The following FGGY variants were observed in gnomAD, a reference collection of about 807,000 sequenced individuals.
FGGY encodes FGGY carbohydrate kinase domain containing, also known as FGGY carbohydrate kinase domain-containing protein.
A neutral mutation model predicts 71.3 loss-of-function variants in FGGY; 72 were observed. The observed-to-expected ratio is 1.01, with a 90% CI of 0.84 to 1.23. The LOEUF is 1.23. FGGY is among the 50% of genes most tolerant of loss of function. The pLI is 0.00. For synonymous variants in FGGY, 251 were observed against 250.3 expected, an observed-to-expected ratio of 1.00 and a Z score of -0.02; for missense variants, 668 against 682.3, an observed-to-expected ratio of 0.98 and a Z score of 0.23.
At chr1:59,674,977 A>G (rs2097422039) in intron 14 of FGGY, among the ~76,000 whole-genome samples, 4 of 152,174 alleles carry the variant, frequency 2.6e-5, no homozygotes, top group Non-Finnish European at 4.4e-5. Flanking sequence ...TTTATCTGTA[A>G]TAGTAATTGA....
chr1:59,562,464 G>A (rs1337742681), intron 8 of FGGY, among the ~76,000 whole-genome samples: 1 of 152,186 alleles, frequency 6.6e-6, no homozygotes, highest in African/African-American at 2.4e-5. Flanking sequence ...TTTGTTCCTG[G>A]CCTTCTGAGA....
chr1:59,496,862 T>A (rs682221), intron 6 of FGGY, among the ~76,000 whole-genome samples: 11,361 of 152,280 alleles, frequency 0.075, 1,403 homozygotes, highest in African/African-American at 0.26. Flanking sequence ...ACCTGTGTAC[T>A]TTGTTCAACT....
chr1:59,510,073 T>C (rs2094483988), intron 6 of FGGY, among the ~76,000 whole-genome samples: 1 of 151,586 alleles, frequency 6.6e-6, no homozygotes, highest in Non-Finnish European at 1.5e-5. Flanking sequence ...ATAATGCTTG[T>C]TCTAAAAATA....
chr1:59,540,776 G>A (rs887342647), intron 7 of FGGY, among the ~76,000 whole-genome samples: 7 of 152,226 alleles, frequency 4.6e-5, no homozygotes, highest in African/African-American at 1.7e-4. Flanking sequence ...GAAGAACGGA[G>A]AGGAGGAGGT....
intron 14 of FGGY, among the ~76,000 whole-genome samples, chr1:59,732,231 T>G (rs150832456): frequency 2.0e-4 from 31 of 152,312 alleles, no homozygotes; most frequent in Admixed American, 2.0e-3. Flanking sequence ...CTGTAGCTCT[T>G]TAAATTCTCT....
intron 5 of FGGY, among the ~76,000 whole-genome samples, chr1:59,434,191 A>C (rs981309111): frequency 1.3e-5 from 2 of 152,234 alleles, no homozygotes; most frequent in Non-Finnish European, 2.9e-5. Context: ...TGGGCACCAA[A>C]TTGTAAGTTC....
chr1:59,339,961 G>T lies in FGGY; in HGVS notation c.205G>T (p.Val69Phe). 6.2e-7 allele frequency: 1 copy of T among 1,603,424 alleles called. No individual in the cohort carries two copies. ...TTTTTATTTGTTTTTAAAACAGAAA[G>T]TTGTACAAGGGATTGATTTAAACCA... is the stretch of plus-strand genomic sequence containing the variant. ...WAACCVVTKK[V>F]VQGIDLNQIR... The change falls in exon 3 of 16, where the codon GTT becomes TTT. Residue 69 changes from valine to phenylalanine, a missense_variant. By Grantham distance (50) the Val-to-Phe change is conservative. Around this residue, in one of 2 missense-constraint regions of FGGY, gnomAD observed 661 missense variants for 661.6 expected, o/e 1.00. Transcript: ENST00000303721.
chr1:59,538,458 T>C (rs1235695277), intron 7 of FGGY, among the ~76,000 whole-genome samples: 2 of 151,480 alleles, frequency 1.3e-5, no homozygotes, highest in African/African-American at 2.4e-5. Context: ...GATCTAGAAC[T>C]AGAAATACCA....
At chr1:59,375,074 A>T (rs891523357) in intron 4 of FGGY, among the ~76,000 whole-genome samples, 6 of 142,374 alleles carry the variant, frequency 4.2e-5, no homozygotes, top group African/African-American at 9.0e-5. Flanking sequence ...ATAATAATAA[A>T]AAAAAATCCA....
intron 7 of FGGY, among the ~76,000 whole-genome samples, chr1:59,553,223 G>A (rs543589172): frequency 9.0e-4 from 137 of 152,272 alleles, no homozygotes; most frequent in African/African-American, 3.1e-3. Context: ...AAGTCTCTGC[G>A]TCCTGCCTGA....
At chr1:59,653,387 G>A (rs2097185828) in intron 11 of FGGY, among the ~76,000 whole-genome samples, 1 of 152,120 alleles carries the variant, frequency 6.6e-6, no homozygotes, top group Admixed American at 6.5e-5. Context: ...TCAGACTGCT[G>A]TGCTAGCAAT....
chr1:59,724,552 C>T (rs1477759126), intron 14 of FGGY, among the ~76,000 whole-genome samples: 8 of 152,040 alleles, frequency 5.3e-5, no homozygotes, highest in East Asian at 1.9e-4. Flanking sequence ...AACTCCTTGA[C>T]GATCACTGAT....
intron 9 of FGGY, among the ~76,000 whole-genome samples, chr1:59,624,761 G>A (rs1019380084): frequency 6.6e-5 from 10 of 152,118 alleles, no homozygotes; most frequent in Non-Finnish European, 2.9e-5. Flanking sequence ...GAAACAGTAT[G>A]GGGGAAACTG....
chr1:59,560,741 G>A (rs1318737457), intron 8 of FGGY, among the ~76,000 whole-genome samples: 1 of 152,058 alleles, frequency 6.6e-6, no homozygotes, highest in Non-Finnish European at 1.5e-5. Flanking sequence ...AGAAAAAGGA[G>A]ATACTACAAT....
At chr1:59,692,115 T>C (rs1443770547) in intron 14 of FGGY, among the ~76,000 whole-genome samples, 1 of 152,178 alleles carries the variant, frequency 6.6e-6, no homozygotes, top group Admixed American at 6.5e-5. Flanking sequence ...AATAAATGTA[T>C]CTTGGGTTAA....
intron 7 of FGGY, among the ~76,000 whole-genome samples, chr1:59,520,192 C>T (rs1460309330): frequency 6.6e-6 from 1 of 152,174 alleles, no homozygotes; most frequent in Non-Finnish European, 1.5e-5. Flanking sequence ...TCTATAGAAG[C>T]CAAAAAGCAG....
chr1:59,360,214 A>C (rs909254596), intron 4 of FGGY, among the ~76,000 whole-genome samples: 3 of 151,778 alleles, frequency 2.0e-5, no homozygotes, highest in Non-Finnish European at 4.4e-5. Flanking sequence ...CTGTTCTGGC[A>C]TTTGGGAACA....
intron 4 of FGGY, among the ~76,000 whole-genome samples, chr1:59,346,968 T>TTTTA (rs1213298060): frequency 2.1e-5 from 3 of 144,272 alleles, no homozygotes; most frequent in African/African-American, 7.4e-5. Context: ...TTTTTTTTTT[T>TTTTA]AAGTATCAAT....
At chr1:59,407,791 C>G (rs1388131091) in intron 5 of FGGY, among the ~76,000 whole-genome samples, 1 of 152,136 alleles carries the variant, frequency 6.6e-6, no homozygotes, top group Non-Finnish European at 1.5e-5. Context: ...TGGCTGCACC[C>G]CCTGAAGTGT....
Sources: allele counts gnomAD v4.1 joint callset (sites outside exome capture counted in the v4.1 genomes callset), GRCh38; gene constraint gnomAD v4.1.1; regional missense constraint gnomAD v4.1.1; transcripts MANE v1.5; gene names NCBI Gene and HGNC (gene_info 2026-07-23, HGNC 2026-07-21).